Variants in MGMT observed in about 807,000 individuals in gnomAD.
MGMT encodes the protein methylated-DNA--protein-cysteine methyltransferase.
MGMT carries 14 observed loss-of-function variants against 15.9 expected under a neutral mutation model. The observed-to-expected ratio is 0.88, with a 90% CI of 0.58 to 1.37. The LOEUF (loss-of-function observed/expected upper bound fraction) is 1.37. Ranked by LOEUF, MGMT falls within the 40% of genes most tolerant of loss-of-function variation. The probability of loss-of-function intolerance (pLI) is 0.00; values close to 1 mark genes in which losing one functional copy is unlikely to be tolerated. For synonymous variants in MGMT, 130 were observed against 118.2 expected, an observed-to-expected ratio of 1.10 and a Z score of -0.65; for missense variants, 282 against 268.1, an observed-to-expected ratio of 1.05 and a Z score of -0.36.
chr10:129,755,628 C>G (rs1440264427), intron 3 of MGMT, among the ~76,000 whole-genome samples: 2 of 152,218 alleles, frequency 1.3e-5, no homozygotes, highest in Non-Finnish European at 2.9e-5. Flanking sequence ...AAGGAGACTC[C>G]TCCTCAAGAA....
At chr10:129,520,997 G>A (rs1050243443) in intron 1 of MGMT, among the ~76,000 whole-genome samples, 5 of 151,660 alleles carry the variant, frequency 3.3e-5, no homozygotes, top group Admixed American at 6.6e-5. Flanking sequence ...TACGGTGCGC[G>A]TACGGGGCCC....
chr10:129,487,591 A>G (rs554134904), intron 1 of MGMT, among the ~76,000 whole-genome samples: 70 of 151,560 alleles, frequency 4.6e-4, no homozygotes, highest in Non-Finnish European at 7.5e-4. Context: ...AATTGTATAT[A>G]TATATGTACA....
intron 2 of MGMT, among the ~76,000 whole-genome samples, chr10:129,687,849 C>CTT (rs1564761619): frequency 1.3e-5 from 2 of 151,716 alleles, no homozygotes; most frequent in African/African-American, 4.8e-5. Context: ...CCTCCCCCAG[C>CTT]CCCCCACCCC....
chr10:129,518,367 C>CACAG (rs1205466044), intron 1 of MGMT, among the ~76,000 whole-genome samples: 3 of 140,248 alleles, frequency 2.1e-5, no homozygotes, highest in African/African-American at 7.7e-5. Flanking sequence ...CACACACACA[C>CACAG]ACACACATTT....
At chr10:129,581,887 C>T (rs1564859106) in intron 2 of MGMT, among the ~76,000 whole-genome samples, 2 of 152,306 alleles carry the variant, frequency 1.3e-5, no homozygotes, top group East Asian at 1.9e-4. Context: ...AGTTTCTATC[C>T]TTAATATTTA....
intron 1 of MGMT, among the ~76,000 whole-genome samples, chr10:129,523,539 A>G (rs909334516): frequency 6.6e-6 from 1 of 152,256 alleles, no homozygotes. Context: ...CTCGAAGCCC[A>G]TGCTGCTGGG....
At chr10:129,729,408 C>T (rs551355346) in intron 3 of MGMT, among the ~76,000 whole-genome samples, 36 of 152,276 alleles carry the variant, frequency 2.4e-4, no homozygotes, top group African/African-American at 6.5e-4. Flanking sequence ...ACTCCCCTGC[C>T]GGCACCTGCG....
At chr10:129,673,131 C>G (rs1847743738) in intron 2 of MGMT, among the ~76,000 whole-genome samples, 1 of 152,108 alleles carries the variant, frequency 6.6e-6, no homozygotes, top group Admixed American at 6.5e-5. Context: ...GTCTGTTGCC[C>G]CAGGGCAGTC....
At chr10:129,603,352 G>A (rs1270406651) in intron 2 of MGMT, among the ~76,000 whole-genome samples, 5 of 152,172 alleles carry the variant, frequency 3.3e-5, no homozygotes, top group Admixed American at 2.0e-4. Flanking sequence ...GTGAGATTCC[G>A]GGCAGCTGTC....
chr10:129,576,854 CA>C (rs1215244701), intron 2 of MGMT, among the ~76,000 whole-genome samples: 2 of 152,182 alleles, frequency 1.3e-5, no homozygotes, highest in East Asian at 3.9e-4. Flanking sequence ...GATACAAAAT[CA>C]ATGTGCAAAA....
At chr10:129,510,357 A>G (rs993982483) in intron 1 of MGMT, among the ~76,000 whole-genome samples, 1 of 152,200 alleles carries the variant, frequency 6.6e-6, no homozygotes, top group South Asian at 2.1e-4. Context: ...AGAGGACTGA[A>G]TCGGTGCAGA....
At chr10:129,735,161 G>A (rs897386210) in intron 3 of MGMT, among the ~76,000 whole-genome samples, 1 of 152,260 alleles carries the variant, frequency 6.6e-6, no homozygotes, top group Non-Finnish European at 1.5e-5. Flanking sequence ...TGTACCTCTG[G>A]TAGAATTCGG....
intron 2 of MGMT, among the ~76,000 whole-genome samples, chr10:129,621,013 C>T (rs746326357): frequency 5.3e-5 from 8 of 152,086 alleles, no homozygotes; most frequent in East Asian, 1.9e-4. Context: ...TGATGGAATG[C>T]GCTGTATCCA....
chr10:129,729,576 G>A (rs920023455), intron 3 of MGMT, among the ~76,000 whole-genome samples: 5 of 152,286 alleles, frequency 3.3e-5, no homozygotes, highest in African/African-American at 1.2e-4. Context: ...CCGAGGCAGG[G>A]GCTCAATGTT....
intron 2 of MGMT, among the ~76,000 whole-genome samples, chr10:129,612,996 G>T (rs565451249): frequency 6.6e-6 from 1 of 152,038 alleles, no homozygotes; most frequent in African/African-American, 2.4e-5. Flanking sequence ...TGTTATAGCC[G>T]AGTTCAGACC....
intron 1 of MGMT, among the ~76,000 whole-genome samples, chr10:129,535,247 G>T (rs945294360): frequency 1.3e-5 from 2 of 152,082 alleles, no homozygotes; most frequent in Non-Finnish European, 2.9e-5. Context: ...AGAAGCTGTG[G>T]CAATGGGAGG....
intron 2 of MGMT, among the ~76,000 whole-genome samples, chr10:129,552,935 C>G (rs1846174670): frequency 1.3e-5 from 2 of 152,128 alleles, no homozygotes; most frequent in South Asian, 4.1e-4. Context: ...ACATGAAAAA[C>G]TATGTCAGCT....
chr10:129,657,707 G>GCACACACACACACACA (rs57838117), intron 2 of MGMT, among the ~76,000 whole-genome samples: 4 of 111,470 alleles, frequency 3.6e-5, no homozygotes, highest in Admixed American at 9.0e-5. Flanking sequence ...ACACACACAC[G>GCACACACACACACACA]CACACACACA....
intron 1 of MGMT, among the ~76,000 whole-genome samples, chr10:129,526,156 C>T (rs1167212435): frequency 6.6e-6 from 1 of 152,202 alleles, no homozygotes; most frequent in East Asian, 1.9e-4. Flanking sequence ...TGGTGAGCAT[C>T]AGCCACACCA....
Sources: gnomAD v4.1 joint callset for allele counts (sites outside exome capture counted in the v4.1 genomes callset) on GRCh38, gnomAD v4.1.1 for gene constraint, MANE v1.5 for transcripts, NCBI Gene and HGNC (gene_info 2026-07-23, HGNC 2026-07-21) for gene names.